Variants in PPARGC1B observed in about 807,000 individuals in gnomAD.
PPARGC1B encodes the protein PPARG coactivator 1 beta, also known as peroxisome proliferator-activated receptor gamma coactivator 1-beta.
In PPARGC1B, 34 loss-of-function variants were observed where a neutral mutation model predicts 101.6. The ratio of observed to expected loss-of-function variants is 0.33; its 90% CI spans 0.25 to 0.45. The LOEUF (loss-of-function observed/expected upper bound fraction) is 0.45. PPARGC1B is among the 20% of genes least tolerant of loss of function. PPARGC1B has a pLI of 1.00. For missense variants in PPARGC1B, 1,234 were observed against 1,317.6 expected (o/e 0.94, Z 0.98); for synonymous variants, 548 against 539.3 (o/e 1.02, Z -0.22).
At chr5:149,778,955 G>A (rs565333117) in intron 1 of PPARGC1B, among the ~76,000 whole-genome samples, 4 of 152,310 alleles carry the variant, frequency 2.6e-5, no homozygotes, top group Admixed American at 2.6e-4. Context: ...ATCTGTGTTT[G>A]AGAGGGAGTT....
chr5:149,847,891 C>G lies in PPARGC1B; in HGVS notation c.*333C>G. On this transcript the variant is annotated 3_prime_UTR_variant, in exon 12 of 12. Coordinates refer to ENST00000309241, the MANE Select transcript of PPARGC1B (RefSeq NM_133263.4). ...CGACTGACTTCCTCTCGTAGACTTG[C>G]AGCTGTGTTCACCATAACATTTCTT... The G allele has an allele frequency of 3.0e-6, 1 of 337,586 alleles. No individual in the cohort carries two copies. The highest frequency in any genetic ancestry group is 8.3e-4 in the Middle Eastern group (1 of 1,204). The allele number at this position is 337,586 out of a possible 1,614,324, so 20.9% of individuals were successfully genotyped here.
rs141717472 is a variant in PPARGC1B, at chr5:149,833,334, C to T, written c.1261C>T (p.Arg421Cys). Residue 421 changes from arginine (R) to cysteine (C), a missense_variant, in exon 5 of 12, where the codon CGC becomes TGC. This residue lies in a region of PPARGC1B where 734 missense variants were observed against 768.4 expected (regional missense o/e 0.96). Coordinates refer to ENST00000309241, the MANE Select transcript of PPARGC1B (RefSeq NM_133263.4). The surrounding 1 kb of genome is among the most constrained non-coding windows in gnomAD (Gnocchi z 4.1). ...GCGGCTGGAGGTGAAAAGGGAGGTC[C>T]GCCGGCCTGCCAGACTGCAGCAGCA... ...PLRLEVKREVRRPARLQQQEE... is the reference protein window; with the variant it reads ...PLRLEVKREVCRPARLQQQEE... 3.2e-5 allele frequency: 52 copies of T among 1,613,374 alleles called. No homozygotes were observed. The highest frequency in any genetic ancestry group is 6.7e-5 in the East Asian group (3 of 44,874).
intron 1 of PPARGC1B, among the ~76,000 whole-genome samples, chr5:149,781,566 T>G (rs1430704535): frequency 1.3e-5 from 2 of 152,210 alleles, no homozygotes; most frequent in Admixed American, 6.5e-5. Context: ...TGTTTCTTGT[T>G]TTTCCCTCTA....
At chr5:149,758,246 G>A (rs1433802787) in intron 1 of PPARGC1B, among the ~76,000 whole-genome samples, 1 of 152,216 alleles carries the variant, frequency 6.6e-6, no homozygotes, top group Non-Finnish European at 1.5e-5. Flanking sequence ...CACTCCCTTT[G>A]TTCTAGACTA....
intron 1 of PPARGC1B, among the ~76,000 whole-genome samples, chr5:149,782,068 G>C (rs930653975): frequency 1.3e-5 from 2 of 152,092 alleles, no homozygotes; most frequent in African/African-American, 4.8e-5. Flanking sequence ...CTTGGTGGAG[G>C]TCGTAGTGGG....
At chr5:149,745,985 G>C (rs1272361568) in intron 1 of PPARGC1B, among the ~76,000 whole-genome samples, 1 of 152,160 alleles carries the variant, frequency 6.6e-6, no homozygotes, top group Non-Finnish European at 1.5e-5. Context: ...TGATGTATCA[G>C]GCCCCTTAAA....
At chr5:149,792,973 C>T (rs1375140973) in intron 1 of PPARGC1B, among the ~76,000 whole-genome samples, 1 of 151,894 alleles carries the variant, frequency 6.6e-6, no homozygotes, top group Non-Finnish European at 1.5e-5. Flanking sequence ...GCTTGAAGAC[C>T]TTCAGAGATG....
rs1554076017 is a variant in PPARGC1B, at chr5:149,777,826, C to CAG, written c.79-42606_79-42605dup. Among the ~76,000 whole-genome samples the CAG allele has an allele frequency of 4.3e-4, 50 of 115,810 alleles. 1 individual carries two copies. The highest frequency in any genetic ancestry group is 9.4e-4 in the South Asian group (3 of 3,196). 76.0% of individuals were successfully genotyped at this position (115,810 alleles called of 152,430 possible). A position where few individuals can be genotyped will look rare whatever the true frequency, so the allele number is the denominator to read the frequency against. On this transcript the variant is annotated intron_variant, in intron 1 of 11. Coordinates refer to ENST00000309241, the MANE Select transcript of PPARGC1B (RefSeq NM_133263.4). ...ACACACACACACACACACACACACA[C>CAG]AGTATCCGGCTGCTTGTATCCATGT...
intron 1 of PPARGC1B, among the ~76,000 whole-genome samples, chr5:149,789,665 A>G (rs1407299842): frequency 6.6e-6 from 1 of 152,228 alleles, no homozygotes; most frequent in Non-Finnish European, 1.5e-5. Flanking sequence ...ACAAATGTCA[A>G]GTCACACGCC....
At chr5:149,732,680 G>T in intron 1 of PPARGC1B, 1 of 388,718 alleles carries the variant, frequency 2.6e-6, no homozygotes, top group Non-Finnish European at 5.2e-6. Context: ...GCTTTGAGCC[G>T]CCCCTAGAAG....
chr5:149,737,535 C>T (rs996997111), intron 1 of PPARGC1B, among the ~76,000 whole-genome samples: 1 of 152,210 alleles, frequency 6.6e-6, no homozygotes, highest in African/African-American at 2.4e-5. Flanking sequence ...CCAGCTGTTC[C>T]ATCTTCTGTG....
At chr5:149,829,769 C>T (rs1758671413) in intron 3 of PPARGC1B, among the ~76,000 whole-genome samples, 2 of 151,512 alleles carry the variant, frequency 1.3e-5, no homozygotes, top group South Asian at 4.1e-4. Context: ...GGCACAGTGG[C>T]TTACGCCTAT....
intron 1 of PPARGC1B, among the ~76,000 whole-genome samples, chr5:149,739,482 C>T (rs941654025): frequency 1.3e-5 from 2 of 152,190 alleles, no homozygotes; most frequent in Non-Finnish European, 2.9e-5. Flanking sequence ...AGGCTTGGGG[C>T]AGGGGGCCCT....
At chr5:149,814,373 A>G (rs951736103) in intron 1 of PPARGC1B, among the ~76,000 whole-genome samples, 15 of 151,860 alleles carry the variant, frequency 9.9e-5, no homozygotes, top group Non-Finnish European at 7.4e-5. Flanking sequence ...TTTCCCCCCT[A>G]TGTGGATCTC....
Position 149,826,573 on chromosome 5 carries a change from G to A in PPARGC1B, c.253-100G>A, listed in dbSNP as rs982787215. 3.2e-6 allele frequency: 3 copies of A among 925,520 alleles called. 1 individual carries two copies. The South Asian group carries it at 4.5e-5, about 14-fold the overall frequency. 57.3% of individuals were successfully genotyped at this position (925,520 alleles called of 1,614,324 possible). A position where few individuals can be genotyped will look rare whatever the true frequency, so the allele number is the denominator to read the frequency against. ...GCAGGAGGGTGTTGGTGGGCCAGCTGGCTGGGCAGAGCTGGTGTCCACCGT... is the reference window on the plus strand; with the variant it reads ...GCAGGAGGGTGTTGGTGGGCCAGCTAGCTGGGCAGAGCTGGTGTCCACCGT... On this transcript the variant is annotated intron_variant, in intron 2 of 11. Transcript: ENST00000309241.
At chr5:149,796,015 C>T (rs1419548514) in intron 1 of PPARGC1B, among the ~76,000 whole-genome samples, 3 of 152,104 alleles carry the variant, frequency 2.0e-5, no homozygotes, top group Non-Finnish European at 4.4e-5. Context: ...CTGAAGAGTG[C>T]CTACTGTGTG....
intron 1 of PPARGC1B, among the ~76,000 whole-genome samples, chr5:149,766,131 T>C (rs1389637151): frequency 6.6e-6 from 1 of 152,228 alleles, no homozygotes. Flanking sequence ...GTTGCCACCT[T>C]GTGGCAGCCT....
intron 3 of PPARGC1B, 71 bp downstream of exon 3, chr5:149,826,956 G>A: frequency 1.6e-6 from 2 of 1,222,546 alleles, no homozygotes; most frequent in South Asian, 2.7e-5. Flanking sequence ...GGCATGGGGT[G>A]CAGAGCAATC....
rs573455469 is a variant in PPARGC1B, at chr5:149,780,295, A to G, written c.79-40138A>G. 2.6e-5 allele frequency among the ~76,000 whole-genome samples: 4 copies of G among 152,230 alleles called. No homozygotes were observed. In the South Asian group the frequency reaches 8.3e-4, roughly 31 times the overall value. On this transcript the variant is annotated intron_variant, in intron 1 of 11. Transcript: ENST00000309241. ...CAGATTCTCATCCTTACTGGTCACC[A>G]GCTCTCAGTGTGTGACCCACGTTGG...
Sources: allele counts gnomAD v4.1 joint callset (sites outside exome capture counted in the v4.1 genomes callset), GRCh38; gene constraint gnomAD v4.1.1; regional missense constraint gnomAD v4.1.1; non-coding constraint Gnocchi (gnomAD v3.1); transcripts MANE v1.5; gene names NCBI Gene and HGNC (gene_info 2026-07-23, HGNC 2026-07-21).